Variants in CDK14 observed in about 807,000 individuals in gnomAD.
CDK14 encodes cyclin dependent kinase 14.
CDK14 carries 34 observed loss-of-function variants against 60.7 expected under a neutral mutation model. The observed-to-expected ratio is 0.56, with a 90% CI of 0.43 to 0.75. CDK14 has a LOEUF of 0.75. Among genes scored for constraint, CDK14 ranks in the 30% least tolerant of loss-of-function variants. The probability of loss-of-function intolerance (pLI) is 0.00; values close to 1 mark genes in which losing one functional copy is unlikely to be tolerated. For synonymous variants in CDK14, 197 were observed against 203.7 expected, an observed-to-expected ratio of 0.97 and a Z score of 0.28; for missense variants, 482 against 564.1, an observed-to-expected ratio of 0.85 and a Z score of 1.47.
intron 14 of CDK14, among the ~76,000 whole-genome samples, chr7:91,133,632 A>G (rs933421845): frequency 6.6e-6 from 1 of 152,204 alleles, no homozygotes; most frequent in Non-Finnish European, 1.5e-5. Flanking sequence ...TACATAAGAA[A>G]TATGAGTGAA....
intron 2 of CDK14, among the ~76,000 whole-genome samples, chr7:90,711,358 T>C (rs1044141328): frequency 1.3e-5 from 2 of 152,000 alleles, no homozygotes; most frequent in Admixed American, 1.3e-4. Flanking sequence ...AATTTACCTC[T>C]CTTTTTTTTT....
At chr7:90,755,191 T>G (rs991659689) in intron 4 of CDK14, among the ~76,000 whole-genome samples, 2 of 152,178 alleles carry the variant, frequency 1.3e-5, no homozygotes, top group African/African-American at 4.8e-5. Context: ...CTATTCACGA[T>G]AGCAAAGCTG....
At chr7:91,173,933 C>T (rs1446199067) in intron 14 of CDK14, among the ~76,000 whole-genome samples, 1 of 152,218 alleles carries the variant, frequency 6.6e-6, no homozygotes, top group Non-Finnish European at 1.5e-5. Flanking sequence ...AGCCAGGAAG[C>T]TCCAACTGGG....
chr7:90,709,861 C>T, intron 2 of CDK14: 1 of 1,376,296 alleles, frequency 7.3e-7, no homozygotes, highest in Non-Finnish European at 9.4e-7. Flanking sequence ...GATGTGAATT[C>T]AGTTGCTGTA....
intron 12 of CDK14, 92 bp from the exon 13 acceptor site, chr7:91,112,450 A>C: frequency 7.3e-7 from 1 of 1,373,996 alleles, no homozygotes. Context: ...GCCAGGAATA[A>C]ATTGAAATCC....
At chr7:90,818,148 T>C (rs1417243401) in intron 5 of CDK14, among the ~76,000 whole-genome samples, 1 of 152,160 alleles carries the variant, frequency 6.6e-6, no homozygotes, top group Admixed American at 6.6e-5. Flanking sequence ...TTTCCTTTCT[T>C]AGTCAAATGC....
intron 6 of CDK14, among the ~76,000 whole-genome samples, chr7:90,896,053 A>G (rs1317930720): frequency 6.6e-6 from 1 of 151,970 alleles, no homozygotes; most frequent in Non-Finnish European, 1.5e-5. Flanking sequence ...TATTAACTGC[A>G]TTGATCCCTT....
intron 5 of CDK14, among the ~76,000 whole-genome samples, chr7:90,855,104 G>T (rs1325987991): frequency 6.6e-6 from 1 of 152,222 alleles, no homozygotes; most frequent in Admixed American, 6.5e-5. Context: ...GAGACAGCAA[G>T]ATTGAAAATG....
intron 2 of CDK14, among the ~76,000 whole-genome samples, chr7:90,623,112 T>G (rs1426445722): frequency 1.3e-5 from 2 of 151,808 alleles, no homozygotes; most frequent in Non-Finnish European, 2.9e-5. Flanking sequence ...TTATTTATTT[T>G]AAAATTTTTG....
At chr7:90,677,226 G>A (rs185821356) in intron 2 of CDK14, among the ~76,000 whole-genome samples, 3 of 152,218 alleles carry the variant, frequency 2.0e-5, no homozygotes, top group South Asian at 2.1e-4. Context: ...TCCATGGTTC[G>A]TAGTCTTGTT....
chr7:90,796,496 T>A (rs573221737), intron 5 of CDK14, among the ~76,000 whole-genome samples: 2 of 152,174 alleles, frequency 1.3e-5, no homozygotes, highest in Non-Finnish European at 2.9e-5. Context: ...GCATGGAGAA[T>A]TGCTTTTAAG....
At chr7:90,784,286 G>A (rs968053853) in intron 4 of CDK14, among the ~76,000 whole-genome samples, 2 of 152,122 alleles carry the variant, frequency 1.3e-5, no homozygotes, top group Non-Finnish European at 2.9e-5. Context: ...AGAGATGGAG[G>A]ATAAAGAGGG....
At chr7:90,614,330 T>C (rs1799607626) in intron 2 of CDK14, among the ~76,000 whole-genome samples, 1 of 152,154 alleles carries the variant, frequency 6.6e-6, no homozygotes, top group African/African-American at 2.4e-5. Flanking sequence ...TTAACTCTTA[T>C]TATTCTTGTC....
chr7:91,107,327 T>C (rs961641011), intron 12 of CDK14: 4 of 152,226 alleles, frequency 2.6e-5, no homozygotes, highest in African/African-American at 9.6e-5. Context: ...CTCAAATGAA[T>C]AGGTCAGGTC....
At chr7:90,963,717 T>TC (rs1794673473) in intron 9 of CDK14, among the ~76,000 whole-genome samples, 1 of 143,070 alleles carries the variant, frequency 7.0e-6, no homozygotes, top group African/African-American at 2.6e-5. Flanking sequence ...TTTTCTTTTT[T>TC]TTTTTTTTTT....
intron 12 of CDK14, among the ~76,000 whole-genome samples, chr7:91,086,918 ACACTATT>A (rs1439211770): frequency 6.6e-6 from 1 of 152,138 alleles, no homozygotes. Context: ...CTGGAGAAAA[ACACTATT>A]CGCTTTTAGC....
At chr7:90,629,816 C>CGGGAGTT (rs1399129130) in intron 2 of CDK14, among the ~76,000 whole-genome samples, 1 of 152,068 alleles carries the variant, frequency 6.6e-6, no homozygotes, top group Non-Finnish European at 1.5e-5. Flanking sequence ...CACTTGAGGC[C>CGGGAGTT]GGGAGTTGGA....
chr7:91,057,689 C>T (rs1223451918), intron 11 of CDK14, among the ~76,000 whole-genome samples: 2 of 152,140 alleles, frequency 1.3e-5, no homozygotes, highest in East Asian at 1.9e-4. Flanking sequence ...TTCTTTTTGT[C>T]AGGTTTGTCA....
Position 90,726,878 on chromosome 7 carries a change from G to A in CDK14, c.369+66G>A, listed in dbSNP as rs79175132. Reference sequence around the variant, plus strand: ...GAATAGCCTTCTTATGATAGCATGCGGTGCTGGAAGACAGCAGGAAACTTT... The same window carrying A: ...GAATAGCCTTCTTATGATAGCATGCAGTGCTGGAAGACAGCAGGAAACTTT... On this transcript the variant is annotated intron_variant, in intron 3 of 14. Coordinates refer to ENST00000380050, the MANE Select transcript of CDK14 (RefSeq NM_001287135.2). 3.9e-3 allele frequency: 6,020 copies of A among 1,555,228 alleles called. 137 individuals carry two copies. In the Admixed American group the frequency reaches 0.048, roughly 12 times the overall value.
Sources: allele counts gnomAD v4.1 joint callset (sites outside exome capture counted in the v4.1 genomes callset), GRCh38; gene constraint gnomAD v4.1.1; transcripts MANE v1.5; gene names NCBI Gene and HGNC (gene_info 2026-07-23, HGNC 2026-07-21).